Variants in STARD13 observed in about 807,000 individuals in gnomAD.
STARD13 encodes stAR-related lipid transfer protein 13.
A neutral mutation model predicts 106.4 loss-of-function variants in STARD13; 62 were observed. The observed-to-expected ratio is 0.58, with a 90% CI of 0.48 to 0.72. The LOEUF (loss-of-function observed/expected upper bound fraction) is 0.72. Among genes scored for constraint, STARD13 ranks in the 30% least tolerant of loss-of-function variants. The pLI is 0.00. For missense variants in STARD13, 1,387 were observed against 1,424.0 expected (o/e 0.97, Z 0.42); for synonymous variants, 565 against 553.0 (o/e 1.02, Z -0.31).
chr13:33,337,063 T>A (rs1860028808), intron 1 of STARD13, among the ~76,000 whole-genome samples: 1 of 152,204 alleles, frequency 6.6e-6, no homozygotes, highest in African/African-American at 2.4e-5. Context: ...TATTTACATT[T>A]GCATTAGCAA....
chr13:33,576,797 A>G, the STARD13 span, among the ~76,000 whole-genome samples: 1 of 152,210 alleles, frequency 6.6e-6, no homozygotes. Flanking sequence ...TTTTAAAACC[A>G]TATAATAAGG....
At chr13:33,369,409 T>A in the STARD13 span, among the ~76,000 whole-genome samples, 1 of 152,228 alleles carries the variant, frequency 6.6e-6, no homozygotes, top group Non-Finnish European at 1.5e-5. Flanking sequence ...AAAATCACCA[T>A]CTTTATTCCA....
chr13:33,292,483 C>T (rs988050614), intron 1 of STARD13, among the ~76,000 whole-genome samples: 9 of 151,604 alleles, frequency 5.9e-5, no homozygotes, highest in South Asian at 4.2e-4. Flanking sequence ...GGCCTGTAGT[C>T]CCATCTAATT....
chr13:33,566,246 T>C, the STARD13 span, among the ~76,000 whole-genome samples: 4 of 148,438 alleles, frequency 2.7e-5, 2 homozygotes, highest in East Asian at 4.0e-4. Context: ...TATTAGTTAC[T>C]GTTGGTTATC....
the STARD13 span, among the ~76,000 whole-genome samples, chr13:33,576,993 A>G: frequency 6.6e-6 from 1 of 152,218 alleles, no homozygotes; most frequent in South Asian, 2.1e-4. Context: ...TTAAAGTTTT[A>G]TGATTCAATA....
chr13:33,530,993 A>C, the STARD13 span, among the ~76,000 whole-genome samples: 2 of 152,080 alleles, frequency 1.3e-5, no homozygotes, highest in Non-Finnish European at 2.9e-5. Flanking sequence ...TCTCATCTTG[A>C]ATTGTAGCTC....
At chr13:33,282,264 C>T (rs1215440046) in intron 1 of STARD13, among the ~76,000 whole-genome samples, 2 of 152,142 alleles carry the variant, frequency 1.3e-5, no homozygotes, top group Non-Finnish European at 2.9e-5. Context: ...TAAACATCTC[C>T]TCTCTTTTGA....
the STARD13 span, among the ~76,000 whole-genome samples, chr13:33,598,707 A>G: frequency 1.1e-4 from 16 of 152,232 alleles, no homozygotes; most frequent in Admixed American, 6.5e-5. Context: ...TTAATCTATA[A>G]CATATAATCT....
intron 7 of STARD13, among the ~76,000 whole-genome samples, chr13:33,119,480 C>A (rs1875927052): frequency 6.6e-6 from 1 of 152,114 alleles, no homozygotes; most frequent in Admixed American, 6.5e-5. Context: ...CGGCCTCCAC[C>A]CAAGTTCGGG....
intron 1 of STARD13, among the ~76,000 whole-genome samples, chr13:33,284,004 A>C: frequency 6.6e-6 from 1 of 152,218 alleles, no homozygotes; most frequent in East Asian, 1.9e-4. Context: ...GCGCATCATT[A>C]AGCCTCGGTG....
chr13:33,194,790 GT>G (rs912522774), intron 1 of STARD13, among the ~76,000 whole-genome samples: 2 of 152,130 alleles, frequency 1.3e-5, no homozygotes, highest in African/African-American at 2.4e-5. Flanking sequence ...ACAACTCACT[GT>G]TTTTTTGAAA....
chr13:33,528,255 T>C, the STARD13 span, among the ~76,000 whole-genome samples: 3 of 128,912 alleles, frequency 2.3e-5, no homozygotes, highest in African/African-American at 7.1e-5. Context: ...TATATATATA[T>C]ACATATATAT....
the STARD13 span, among the ~76,000 whole-genome samples, chr13:33,452,391 A>G: frequency 6.6e-6 from 1 of 152,172 alleles, no homozygotes; most frequent in African/African-American, 2.4e-5. Context: ...GAGGCAACAC[A>G]GTGTTTTCCT....
At chr13:33,112,110 G>A (rs915464295) in intron 9 of STARD13, among the ~76,000 whole-genome samples, 2 of 152,208 alleles carry the variant, frequency 1.3e-5, no homozygotes, top group African/African-American at 4.8e-5. Flanking sequence ...TAAAGGGCAG[G>A]AAGAACAGCA....
intron 4 of STARD13, among the ~76,000 whole-genome samples, chr13:33,134,017 T>A (rs1878714955): frequency 6.6e-6 from 1 of 152,082 alleles, no homozygotes; most frequent in East Asian, 1.9e-4. Flanking sequence ...TCTCTAGGAG[T>A]CAGATGTGTT....
At chr13:33,290,520 G>A (rs540013077), upstream of STARD13, among the ~76,000 whole-genome samples, 3 of 152,336 alleles carry the variant, frequency 2.0e-5, no homozygotes, top group African/African-American at 7.2e-5. Context: ...CTTTGACCAG[G>A]ACTCCATGAA....
At chr13:33,517,959 T>C in the STARD13 span, among the ~76,000 whole-genome samples, 3 of 152,012 alleles carry the variant, frequency 2.0e-5, no homozygotes, top group Non-Finnish European at 2.9e-5. Flanking sequence ...CTCTTTCTCC[T>C]CCTCTACATC....
At chr13:33,163,613 T>C (rs1458468303) in intron 3 of STARD13, among the ~76,000 whole-genome samples, 58 of 132,116 alleles carry the variant, frequency 4.4e-4, no homozygotes, top group African/African-American at 1.7e-3. Flanking sequence ...AAAATATATA[T>C]ATATATATAT....
At chr13:33,195,322 C>T (rs1192140090) in intron 1 of STARD13, among the ~76,000 whole-genome samples, 1 of 152,218 alleles carries the variant, frequency 6.6e-6, no homozygotes, top group African/African-American at 2.4e-5. Flanking sequence ...TAGCCACTCT[C>T]TCTGTAACTC....
Sources: allele counts gnomAD v4.1 joint callset (sites outside exome capture counted in the v4.1 genomes callset), GRCh38; gene constraint gnomAD v4.1.1; transcripts MANE v1.5; gene names NCBI Gene and HGNC (gene_info 2026-07-23, HGNC 2026-07-21).